RRP1B: variants seen among roughly 807,000 people sequenced by gnomAD.
RRP1B encodes ribosomal RNA processing 1B, also known as ribosomal RNA processing protein 1 homolog B.
In RRP1B, 56 loss-of-function variants were observed where a neutral mutation model predicts 80.2. The ratio of observed to expected loss-of-function variants is 0.70; its 90% confidence interval spans 0.56 to 0.87. RRP1B has a LOEUF of 0.87. Among genes scored for constraint, RRP1B ranks in the 40% least tolerant of loss-of-function variants. The pLI, the probability that RRP1B is intolerant of heterozygous loss-of-function variation, is 0.00. For missense variants in RRP1B, 807 were observed against 939.8 expected, an observed-to-expected ratio of 0.86 and a Z score of 1.85; for synonymous variants, 351 against 357.6, an observed-to-expected ratio of 0.98 and a Z score of 0.21.
At chr21:43,683,574 A>G (rs745401408) in intron 9 of RRP1B, among the ~76,000 whole-genome samples, 8 of 152,198 alleles carry the variant, frequency 5.3e-5, no homozygotes, top group Non-Finnish European at 1.2e-4. Flanking sequence ...TTTGAAAGAG[A>G]TAGTAGCACT....
Position 43,687,559 on chromosome 21 carries a change from T to C in RRP1B, c.1185T>C (p.Ser395=). 1.3e-6 allele frequency: 2 copies of C among 1,501,088 alleles called. No individual in the cohort carries two copies. The highest frequency in any genetic ancestry group is 8.8e-7 in the Non-Finnish European group (1 of 1,133,096). The allele number at this position is 1,501,088 out of a possible 1,614,324, so 93.0% of individuals were successfully genotyped here. ...FCVEEEDSES[S]LQKRRRKKKK... ...TAGAGGAAGAGGACAGTGAAAGCAG[T>C]CTTCAAAAGAGAAGAAGGAAGAAGA... The change falls in exon 13 of 16, where the codon AGT becomes AGC. Residue 395 remains serine (S), a synonymous_variant. Transcript: ENST00000340648.
At chr21:43,671,305 C>CT (rs1258578805) in intron 2 of RRP1B, among the ~76,000 whole-genome samples, 1 of 151,632 alleles carries the variant, frequency 6.6e-6, no homozygotes, top group East Asian at 1.9e-4. Flanking sequence ...CATCTCACCT[C>CT]TGTGAGGTCT....
intron 2 of RRP1B, 135 bp downstream of exon 2, chr21:43,670,101 C>A: frequency 2.0e-6 from 1 of 510,302 alleles, no homozygotes; most frequent in Non-Finnish European, 3.5e-6. Context: ...CATTTTCGTA[C>A]CTCTTGTCCA....
At chr21:43,665,928 A>G (rs1053006204) in intron 1 of RRP1B, among the ~76,000 whole-genome samples, 2 of 152,194 alleles carry the variant, frequency 1.3e-5, no homozygotes, top group African/African-American at 4.8e-5. Context: ...ATGCAACTGG[A>G]AGTGCAGGAG....
At chr21:43,660,241 C>T (rs889364547) in intron 1 of RRP1B, among the ~76,000 whole-genome samples, 7 of 152,148 alleles carry the variant, frequency 4.6e-5, no homozygotes, top group Admixed American at 2.0e-4. Flanking sequence ...ATAAAGTAGA[C>T]CTTGTGTAAG....
rs762400 is a variant in RRP1B, at chr21:43,693,748, C to G, written c.*365C>G. 0.63 allele frequency: 120,210 copies of G among 190,672 alleles called. 38,408 individuals are homozygous for G. Among genetic ancestry groups the G allele is most frequent in the East Asian group, 0.82 (5,407 of 6,614 alleles). 11.8% of individuals were successfully genotyped at this position (190,672 alleles called of 1,614,324 possible). ...CACAATGAAAGGTGGAACTGCACTT[C>G]TGTTGAGCTCTCAGTTCTGCGGAAT... is the stretch of plus-strand genomic sequence containing the variant. On this transcript the variant is annotated 3_prime_UTR_variant, in exon 16 of 16. Coordinates refer to ENST00000340648, the MANE Select transcript of RRP1B (RefSeq NM_015056.3). The surrounding 1 kb of genome is among the most constrained non-coding windows in gnomAD (Gnocchi z 4.1).
In RRP1B at chr21:43,676,256, T is replaced by A. The variant is rs757524595; in HGVS notation, c.550-16T>A. On this transcript the variant is annotated splice_polypyrimidine_tract_variant and intron_variant, in intron 6 of 15. Coordinates refer to ENST00000340648, the MANE Select transcript of RRP1B (RefSeq NM_015056.3). Reference sequence around the variant, plus strand: ...GAAAGGCTCTTTCTCAATTTTTCCCTTTTTCTAAATTACAGCTTTTAGCAG... The same window carrying A: ...GAAAGGCTCTTTCTCAATTTTTCCCATTTTCTAAATTACAGCTTTTAGCAG... 4 of 1,588,000 alleles carry A rather than the reference T, an allele frequency of 2.5e-6. No homozygotes were observed. Among genetic ancestry groups the A allele is most frequent in the Non-Finnish European group, 3.4e-6 (4 of 1,164,470 alleles).
At chr21:43,670,613 T>C (rs2082995788) in intron 2 of RRP1B, among the ~76,000 whole-genome samples, 1 of 152,252 alleles carries the variant, frequency 6.6e-6, no homozygotes, top group Non-Finnish European at 1.5e-5. Flanking sequence ...CAGCCACATG[T>C]GGCCCAGGAT....
At chr21:43,667,073 T>G (rs2082980959) in intron 1 of RRP1B, among the ~76,000 whole-genome samples, 1 of 152,082 alleles carries the variant, frequency 6.6e-6, no homozygotes, top group Non-Finnish European at 1.5e-5. Context: ...TTTGTAAGAA[T>G]ACTTCATAGG....
Position 43,686,855 on chromosome 21 carries a change from A to T in RRP1B, c.1061A>T (p.Asp354Val). Residue 354 changes from aspartate to valine, a missense_variant, in exon 12 of 16, where the codon GAT (aspartate) becomes GTT (valine). Asp to Val is a radical substitution (Grantham distance 152). Transcript: ENST00000340648. The stretch of plus-strand genomic sequence containing the variant: ...GCGGAGGACATTTCTGCTGATGAAG[A>T]TGACCAAATCCTCAGTCAAGGAAAG... ...SFAEDISADE[D>V]DQILSQGKHK... The T allele has an allele frequency of 6.2e-7, 1 of 1,614,124 alleles. No homozygotes were observed. Among genetic ancestry groups the T allele is most frequent in the South Asian group, 1.1e-5 (1 of 91,082 alleles).
At chr21:43,682,643 TG>T (rs1310600736) in intron 8 of RRP1B, among the ~76,000 whole-genome samples, 1 of 152,244 alleles carries the variant, frequency 6.6e-6, no homozygotes, top group Non-Finnish European at 1.5e-5. Context: ...CCCATCCGCT[TG>T]CCTGCGTCCC....
rs1204379133 is a variant in RRP1B at position 43,659,622 on chromosome 21, C to G, written c.-43C>G. ...CTCCGCAGCGCTCGGCTGGCTGCAG[C>G]GGCACCGCGGGTTGCGCGGCCGGGG... On this transcript the variant is annotated 5_prime_UTR_variant, in exon 1 of 16. Coordinates refer to ENST00000340648, the MANE Select transcript of RRP1B (RefSeq NM_015056.3). This position sits in a 1 kb window ranked among gnomAD's most constrained non-coding sequence, Gnocchi z 4.2. 2 of 1,418,396 alleles carry G rather than the reference C, an allele frequency of 1.4e-6. No individual in the cohort carries two copies. Among genetic ancestry groups the G allele is most frequent in the East Asian group, 3.0e-5 (1 of 33,040 alleles). 87.9% of individuals were successfully genotyped at this position (1,418,396 alleles called of 1,614,324 possible). A position where few individuals can be genotyped will look rare whatever the true frequency, so the allele number is the denominator to read the frequency against.
In RRP1B at chr21:43,659,830, C is replaced by CGGGCCGG. The variant is rs1210516106; in HGVS notation, c.130+46_130+52dup. ...GGCCGCGGTCAGCCGCGCCACATGG[C>CGGGCCGG]GGGCCGGGGGCCGGGGCTGGGGCTA... On this transcript the variant is annotated intron_variant, in intron 1 of 15. Transcript: ENST00000340648. This position sits in a 1 kb window ranked among gnomAD's most constrained non-coding sequence, Gnocchi z 4.2. 4.7e-6 allele frequency: 7 copies of CGGGCCGG among 1,483,604 alleles called. No homozygotes were observed. The highest frequency in any genetic ancestry group is 1.5e-5 in the African/African-American group (1 of 68,960). The allele number at this position is 1,483,604 out of a possible 1,614,324, so 91.9% of individuals were successfully genotyped here. A position where few individuals can be genotyped will look rare whatever the true frequency, so the allele number is the denominator to read the frequency against.
At chr21:43,683,181 T>C (rs1238806715) in intron 8 of RRP1B, 98 bp from the exon 9 acceptor site, 7 of 955,188 alleles carry the variant, frequency 7.3e-6, no homozygotes, top group Middle Eastern at 2.2e-4. Context: ...CCTTCTTTTT[T>C]GCTAAGAGAC....
At chr21:43,690,172 G>A in intron 13 of RRP1B, 116 bp from the exon 14 acceptor site, 1 of 1,198,854 alleles carries the variant, frequency 8.3e-7, no homozygotes, top group Non-Finnish European at 1.2e-6. Flanking sequence ...AAGACCGCGG[G>A]CCGTCGGGTG....
intron 8 of RRP1B, among the ~76,000 whole-genome samples, chr21:43,677,770 A>C (rs1018028323): frequency 2.0e-5 from 3 of 152,206 alleles, no homozygotes; most frequent in African/African-American, 7.2e-5. Flanking sequence ...TTGGTTTTCC[A>C]TTCCTGAGTT....
intron 2 of RRP1B, 48 bp downstream of exon 2, chr21:43,670,014 G>C (rs761488478): frequency 4.9e-5 from 68 of 1,378,694 alleles, no homozygotes; most frequent in Non-Finnish European, 3.0e-5. Context: ...GCTGTGGATG[G>C]ATAAGAGACT....
rs1420638292 is a variant in RRP1B, at chr21:43,687,982, C to G, written c.1608C>G (p.Gly536=). 6.8e-6 allele frequency: 11 copies of G among 1,612,908 alleles called. No homozygotes were observed. Among genetic ancestry groups the G allele is most frequent in the African/African-American group, 1.3e-5 (1 of 74,944 alleles). ...KLGVVPVNGS[G]LSTPAWPPLQ... is the part of the protein sequence containing the mutation. Reference sequence around the variant, plus strand: ...GAGTTGTGCCCGTCAATGGCAGTGGCCTGTCCACGCCGGCCTGGCCTCCAT... The same window carrying G: ...GAGTTGTGCCCGTCAATGGCAGTGGGCTGTCCACGCCGGCCTGGCCTCCAT... The change falls in exon 13 of 16, where the codon GGC becomes GGG. Residue 536 remains glycine, a synonymous_variant. Transcript: ENST00000340648.
chr21:43,685,818 G>A lies in RRP1B; in HGVS notation c.1009+29G>A, dbSNP rs2083060991. ...AGGCGCGCCAAGAATCATCATTCAT[G>A]GTGTTTTTCGTGAATATGGACCCCA... On this transcript the variant is annotated intron_variant, in intron 11 of 15. Transcript: ENST00000340648. The A allele has an allele frequency of 4.4e-6, 7 of 1,589,826 alleles. No homozygotes were observed. The East Asian group carries it at 1.4e-4, about 31-fold the overall frequency.
Sources: allele counts gnomAD v4.1 joint callset (sites outside exome capture counted in the v4.1 genomes callset), GRCh38; gene constraint gnomAD v4.1.1; non-coding constraint Gnocchi (gnomAD v3.1); transcripts MANE v1.5; gene names NCBI Gene and HGNC (gene_info 2026-07-23, HGNC 2026-07-21).